The following SPOCK1 variants were observed in gnomAD, a reference collection of about 807,000 sequenced individuals.
The protein encoded by SPOCK1 is SPARC (osteonectin), cwcv and kazal like domains proteoglycan 1.
A neutral mutation model predicts 55.3 loss-of-function variants in SPOCK1; 23 were observed. The ratio of observed to expected loss-of-function variants is 0.42; its 90% CI spans 0.30 to 0.59. The LOEUF (loss-of-function observed/expected upper bound fraction) is 0.59. SPOCK1 is among the 20% of genes least tolerant of loss of function. SPOCK1 has a pLI of 0.22. For missense variants in SPOCK1, 499 were observed against 552.5 expected, an observed-to-expected ratio of 0.90 and a Z score of 0.97; for synonymous variants, 226 against 221.0, an observed-to-expected ratio of 1.02 and a Z score of -0.20.
chr5:137,497,253 G>T (rs1238535884), intron 2 of SPOCK1, among the ~76,000 whole-genome samples: 3 of 152,298 alleles, frequency 2.0e-5, no homozygotes, highest in Admixed American at 1.3e-4. Flanking sequence ...GGGGTCTGTG[G>T]TATAGGTCAA....
intron 5 of SPOCK1, among the ~76,000 whole-genome samples, chr5:137,068,433 G>A (rs1215621528): frequency 1.3e-5 from 2 of 152,216 alleles, no homozygotes; most frequent in African/African-American, 2.4e-5. Context: ...TTGTGACTCC[G>A]TGGAAATGTT....
chr5:137,462,440 T>C (rs1237607775), intron 2 of SPOCK1, among the ~76,000 whole-genome samples: 1 of 152,170 alleles, frequency 6.6e-6, no homozygotes, highest in Non-Finnish European at 1.5e-5. Context: ...GTCAGACTAA[T>C]TCCTGCAAGC....
At chr5:137,310,992 G>T (rs777381754) in intron 2 of SPOCK1, among the ~76,000 whole-genome samples, 1 of 152,142 alleles carries the variant, frequency 6.6e-6, no homozygotes, top group Admixed American at 6.6e-5. Flanking sequence ...GAGGGAACAG[G>T]CCTTGGGGAA....
intron 5 of SPOCK1, among the ~76,000 whole-genome samples, chr5:137,072,247 T>A (rs1459924343): frequency 1.5e-4 from 23 of 152,206 alleles, no homozygotes; most frequent in Admixed American, 1.5e-3. Context: ...GATGAAGCAG[T>A]CAAATAAATA....
chr5:137,236,475 A>G (rs1044909801), intron 3 of SPOCK1, among the ~76,000 whole-genome samples: 1 of 152,236 alleles, frequency 6.6e-6, no homozygotes, highest in African/African-American at 2.4e-5. Context: ...TTTATGATTT[A>G]GTTATTTAGA....
At chr5:137,146,972 C>G (rs1439195182) in intron 3 of SPOCK1, among the ~76,000 whole-genome samples, 1 of 152,218 alleles carries the variant, frequency 6.6e-6, no homozygotes, top group Non-Finnish European at 1.5e-5. Context: ...AAAGATGAGT[C>G]TGACCAAAGA....
chr5:137,414,654 G>A (rs188127121), intron 2 of SPOCK1, among the ~76,000 whole-genome samples: 9 of 152,282 alleles, frequency 5.9e-5, no homozygotes, highest in Middle Eastern at 3.4e-3. Flanking sequence ...AAATTGGGAT[G>A]TGACCATGTA....
At chr5:137,419,806 C>G (rs1752443398) in intron 2 of SPOCK1, among the ~76,000 whole-genome samples, 1 of 152,146 alleles carries the variant, frequency 6.6e-6, no homozygotes, top group Non-Finnish European at 1.5e-5. Flanking sequence ...CTTCTCCTGC[C>G]AGTTTTCCCT....
rs1348944647 is a variant in SPOCK1, at chr5:137,434,656, C to A, written c.186+63717G>T. Among the ~76,000 whole-genome samples, 3 of 151,370 alleles carry A rather than the reference C, an allele frequency of 2.0e-5. No homozygotes were observed. The East Asian group carries it at 5.8e-4, about 29-fold the overall frequency. Reference sequence around the variant, plus strand: ...CTGAGATTACAGGCGCCCGCCACCACGCCCAGCTAATTTTTTTTTTATTTT... The same window carrying A: ...CTGAGATTACAGGCGCCCGCCACCAAGCCCAGCTAATTTTTTTTTTATTTT... On this transcript the variant is annotated intron_variant, in intron 2 of 10. Transcript: ENST00000394945.
intron 5 of SPOCK1, among the ~76,000 whole-genome samples, chr5:137,103,051 T>A (rs1753302139): frequency 6.6e-6 from 1 of 152,172 alleles, no homozygotes; most frequent in South Asian, 2.1e-4. Context: ...AGTGCAATGG[T>A]GTGATCTCCA....
intron 2 of SPOCK1, among the ~76,000 whole-genome samples, chr5:137,429,100 G>A (rs1273452551): frequency 6.6e-6 from 1 of 152,172 alleles, no homozygotes; most frequent in Admixed American, 6.5e-5. Context: ...GAGGATCTGG[G>A]CCCTGCCTAC....
chr5:137,398,010 C>G (rs890541562), intron 2 of SPOCK1, among the ~76,000 whole-genome samples: 1 of 152,058 alleles, frequency 6.6e-6, no homozygotes. Context: ...ACTAGGATGG[C>G]GATGGTAGGG....
At chr5:137,228,433 G>T (rs2127092098) in intron 3 of SPOCK1, among the ~76,000 whole-genome samples, 1 of 152,302 alleles carries the variant, frequency 6.6e-6, no homozygotes, top group Admixed American at 6.5e-5. Context: ...TTGAGGCCAG[G>T]AATTCGAGAC....
At chr5:137,419,201 T>G (rs1440073443) in intron 2 of SPOCK1, among the ~76,000 whole-genome samples, 1 of 152,234 alleles carries the variant, frequency 6.6e-6, no homozygotes. Context: ...TTGGTTACTG[T>G]AGCCTTGTAG....
At chr5:137,440,592 C>T (rs377416297) in intron 2 of SPOCK1, among the ~76,000 whole-genome samples, 2 of 152,168 alleles carry the variant, frequency 1.3e-5, no homozygotes, top group Admixed American at 6.5e-5. Context: ...TATAACTGTA[C>T]CTTTGCTACG....
chr5:137,150,692 G>C (rs1245612694), intron 3 of SPOCK1, among the ~76,000 whole-genome samples: 1 of 152,108 alleles, frequency 6.6e-6, no homozygotes, highest in Non-Finnish European at 1.5e-5. Flanking sequence ...GGCAGGTGTG[G>C]TGTATAAGGT....
At chr5:137,108,159 T>C (rs866605812) in intron 5 of SPOCK1, among the ~76,000 whole-genome samples, 4 of 152,210 alleles carry the variant, frequency 2.6e-5, no homozygotes, top group Admixed American at 6.5e-5. Context: ...GGTTTGTCTC[T>C]GAGACTAAAT....
At chr5:137,419,950 G>C (rs1044916453) in intron 2 of SPOCK1, among the ~76,000 whole-genome samples, 2 of 151,794 alleles carry the variant, frequency 1.3e-5, no homozygotes, top group Non-Finnish European at 2.9e-5. Context: ...GTCATAGATA[G>C]CTCTTACTGA....
At chr5:137,017,721 G>A (rs1751474762) in intron 6 of SPOCK1, among the ~76,000 whole-genome samples, 1 of 152,126 alleles carries the variant, frequency 6.6e-6, no homozygotes, top group South Asian at 2.1e-4. Flanking sequence ...GGGATTAAAG[G>A]ATTAGGCTAA....
Sources: gnomAD v4.1 joint callset for allele counts (sites outside exome capture counted in the v4.1 genomes callset) on GRCh38, gnomAD v4.1.1 for gene constraint, MANE v1.5 for transcripts, NCBI Gene and HGNC (gene_info 2026-07-23, HGNC 2026-07-21) for gene names.